The following C2CD3 variants were observed in gnomAD, a reference collection of about 807,000 sequenced individuals.
C2CD3 encodes the protein C2 domain-containing protein 3.
A neutral mutation model predicts 234.0 loss-of-function variants in C2CD3; 148 were observed. The observed-to-expected ratio is 0.63, with a 90% CI of 0.55 to 0.72. The LOEUF (loss-of-function observed/expected upper bound fraction) is 0.72. Ranked by LOEUF, C2CD3 falls within the 30% of genes least tolerant of loss-of-function variation. C2CD3 has a pLI of 0.00. For synonymous variants in C2CD3, 1,000 were observed against 1,035.4 expected (o/e 0.97, Z 0.66); for missense variants, 2,577 against 2,811.5 (o/e 0.92, Z 1.89).
chr11:74,020,193 T>G (rs1286491131), intron 32 of C2CD3, among the ~76,000 whole-genome samples: 1 of 152,190 alleles, frequency 6.6e-6, no homozygotes, highest in Non-Finnish European at 1.5e-5. Flanking sequence ...GGTAAAGAAG[T>G]GCCATGTGGA....
At chr11:74,167,061 T>G (rs753602827) in intron 2 of C2CD3, among the ~76,000 whole-genome samples, 1 of 152,172 alleles carries the variant, frequency 6.6e-6, no homozygotes, top group East Asian at 1.9e-4. Context: ...AGGGCAACTA[T>G]ATGATCCCAT....
chr11:74,111,366 C>A lies in C2CD3; in HGVS notation c.1844-2214G>T, dbSNP rs188244111. On this transcript the variant is annotated intron_variant, in intron 11 of 32. Coordinates refer to ENST00000334126, the MANE Select transcript of C2CD3 (RefSeq NM_001286577.2). ...AATATGATGCCAGAGTGGAAAATACCATACCCTACCTCATGTGATGGGTCT... is the reference window on the plus strand; with the variant it reads ...AATATGATGCCAGAGTGGAAAATACAATACCCTACCTCATGTGATGGGTCT... 3.3e-5 allele frequency among the ~76,000 whole-genome samples: 5 copies of A among 152,182 alleles called. 1 individual carries two copies. Among genetic ancestry groups the A allele is most frequent in the Middle Eastern group, 6.8e-3 (2 of 294 alleles).
At chr11:74,061,581 T>G (rs921239176) in intron 24 of C2CD3, among the ~76,000 whole-genome samples, 2 of 152,192 alleles carry the variant, frequency 1.3e-5, no homozygotes, top group Non-Finnish European at 2.9e-5. Context: ...CTGAGAGATT[T>G]TTCTCACCAC....
intron 8 of C2CD3, among the ~76,000 whole-genome samples, chr11:74,118,968 C>T (rs1224414438): frequency 6.8e-5 from 10 of 147,160 alleles, no homozygotes; most frequent in Non-Finnish European, 1.5e-4. Flanking sequence ...AGTGCAGTGG[C>T]ACAATCACAG....
chr11:74,042,666 T>A (rs1953128099), intron 28 of C2CD3, among the ~76,000 whole-genome samples: 1 of 151,490 alleles, frequency 6.6e-6, no homozygotes, highest in Admixed American at 6.6e-5. Flanking sequence ...GGCAGGAGAA[T>A]CACTTGAACC....
chr11:74,122,494 C>T (rs1957252259), intron 8 of C2CD3, among the ~76,000 whole-genome samples: 1 of 152,116 alleles, frequency 6.6e-6, no homozygotes, highest in Non-Finnish European at 1.5e-5. Flanking sequence ...CTAGAAGATG[C>T]TAAGCCAATG....
intron 28 of C2CD3, among the ~76,000 whole-genome samples, chr11:74,045,948 C>A (rs750662007): frequency 3.3e-5 from 5 of 152,130 alleles, no homozygotes; most frequent in Non-Finnish European, 7.4e-5. Context: ...TTAAAAGTTT[C>A]TGTTTCAATT....
chr11:74,138,449 T>C (rs1307992430), intron 5 of C2CD3, among the ~76,000 whole-genome samples: 2 of 152,248 alleles, frequency 1.3e-5, no homozygotes, highest in Non-Finnish European at 2.9e-5. Context: ...TCCTTTTCTA[T>C]GATAAAGGTT....
At chr11:74,084,261 C>T (rs113331585) in intron 22 of C2CD3, among the ~76,000 whole-genome samples, 2,678 of 151,954 alleles carry the variant, frequency 0.018, 79 homozygotes, top group African/African-American at 0.061. Flanking sequence ...CTTGGACACA[C>T]GGCGGGGAAC....
intron 23 of C2CD3, among the ~76,000 whole-genome samples, chr11:74,077,815 A>AGTCTCT (rs1565263166): frequency 9.6e-5 from 3 of 31,220 alleles, no homozygotes; most frequent in Non-Finnish European, 1.3e-4. Context: ...ATATATATAT[A>AGTCTCT]TATATATATA....
chr11:74,077,438 G>C (rs1955083665), intron 23 of C2CD3, among the ~76,000 whole-genome samples: 2 of 151,980 alleles, frequency 1.3e-5, no homozygotes, highest in Admixed American at 6.6e-5. Flanking sequence ...GCAGGCAGTG[G>C]AACTTTAAAA....
At chr11:74,034,623 A>C in intron 30 of C2CD3, 2 of 1,605,202 alleles carry the variant, frequency 1.2e-6, no homozygotes, top group Non-Finnish European at 1.7e-6. Flanking sequence ...ATTAAAAATC[A>C]AAATGAGAAT....
chr11:74,165,296 G>A (rs528191273), intron 2 of C2CD3, among the ~76,000 whole-genome samples: 22 of 152,014 alleles, frequency 1.4e-4, no homozygotes, highest in East Asian at 1.4e-3. Flanking sequence ...TGTTAATTCT[G>A]GCACAGCCTA....
intron 32 of C2CD3, among the ~76,000 whole-genome samples, chr11:74,024,121 T>C (rs1395694281): frequency 6.6e-6 from 1 of 152,148 alleles, no homozygotes; most frequent in African/African-American, 2.4e-5. Flanking sequence ...AATCAAACTG[T>C]TGAAAACTAG....
chr11:74,161,687 T>A (rs1856481715), intron 2 of C2CD3, 131 bp from the exon 3 acceptor site: 1 of 484,704 alleles, frequency 2.1e-6, no homozygotes. Flanking sequence ...GATAACACCA[T>A]TGCATTGGTG....
intron 13 of C2CD3, among the ~76,000 whole-genome samples, chr11:74,104,860 G>GA (rs1052055074): frequency 5.2e-4 from 79 of 152,120 alleles, no homozygotes; most frequent in African/African-American, 1.9e-3. Context: ...AGCCAGAACA[G>GA]AAAAAATTTC....
chr11:74,032,765 T>C (rs982105339), intron 31 of C2CD3, among the ~76,000 whole-genome samples: 1 of 151,788 alleles, frequency 6.6e-6, no homozygotes, highest in African/African-American at 2.4e-5. Context: ...CTTGCAAGGC[T>C]GAGGTGGGAG....
At chr11:74,060,707 C>T (rs996574031) in intron 24 of C2CD3, among the ~76,000 whole-genome samples, 36 of 152,296 alleles carry the variant, frequency 2.4e-4, no homozygotes, top group African/African-American at 6.5e-4. Context: ...AAAATCAGAG[C>T]GCCTCTCCTC....
rs1323017723 is a variant in C2CD3, at chr11:74,095,248, C to T, written c.3140G>A (p.Gly1047Glu). The change falls in exon 17 of 33, where the codon GGA (glycine) becomes GAA (glutamate). Residue 1047 changes from glycine (G) to glutamate (E), a missense_variant. Physicochemically the swap from Gly to Glu is moderately conservative, Grantham distance 98. Coordinates refer to ENST00000334126, the MANE Select transcript of C2CD3 (RefSeq NM_001286577.2). Reference sequence around the variant, plus strand: ...CCTACCATTTTCAAGGAACTCAGGTCCTTTCAGCACACTGGATTGAGAGTG... The same window carrying T: ...CCTACCATTTTCAAGGAACTCAGGTTCTTTCAGCACACTGGATTGAGAGTG... ...VQHSQSSVLK[G>E]PEFLENGITL... 3 of 1,612,008 alleles carry T rather than the reference C, an allele frequency of 1.9e-6. No homozygotes were observed. Among genetic ancestry groups the T allele is most frequent in the Non-Finnish European group, 1.7e-6 (2 of 1,178,908 alleles).
Sources: gnomAD v4.1 joint callset for allele counts (sites outside exome capture counted in the v4.1 genomes callset) on GRCh38, gnomAD v4.1.1 for gene constraint, MANE v1.5 for transcripts, NCBI Gene and HGNC (gene_info 2026-07-23, HGNC 2026-07-21) for gene names.